The following TAF2 variants were observed in gnomAD, a reference collection of about 807,000 sequenced individuals.
The protein encoded by TAF2 is TATA-box binding protein associated factor 2.
TAF2 carries 61 observed loss-of-function variants against 138.5 expected under a neutral mutation model. The ratio of observed to expected loss-of-function variants is 0.44; its 90% confidence interval spans 0.36 to 0.54. The LOEUF is 0.54. Among genes scored for constraint, TAF2 ranks in the 20% least tolerant of loss-of-function variants. The pLI is 0.00. For synonymous variants in TAF2, 475 were observed against 469.9 expected, an observed-to-expected ratio of 1.01 and a Z score of -0.14; for missense variants, 1,090 against 1,427.9, an observed-to-expected ratio of 0.76 and a Z score of 3.81.
At chr8:119,769,540 GAA>G in intron 18 of TAF2, among the ~76,000 whole-genome samples, 1 of 152,110 alleles carries the variant, frequency 6.6e-6, no homozygotes, top group Middle Eastern at 3.4e-3. Flanking sequence ...AGACACAAGA[GAA>G]AGTTGAAAAG....
At chr8:119,819,573 T>G (rs1563924690) in intron 2 of TAF2, 67 bp from the exon 3 acceptor site, 2 of 1,337,882 alleles carry the variant, frequency 1.5e-6, no homozygotes, top group East Asian at 4.6e-5. Flanking sequence ...TTTCTTTTAT[T>G]TTTACCACTT....
intron 23 of TAF2, among the ~76,000 whole-genome samples, chr8:119,745,795 A>ATGTGTGTG (rs58444614): frequency 1.2e-4 from 17 of 143,468 alleles, no homozygotes; most frequent in African/African-American, 2.0e-4. Context: ...AGGCAAACGA[A>ATGTGTGTG]TGTGTGTGTG....
At position 119,791,416 on chromosome 8, in the gene TAF2, G is replaced by C. The variant is rs778709665; in HGVS notation, c.1321C>G (p.Leu441Val). The C allele has an allele frequency of 6.2e-7, 1 of 1,613,744 alleles. No homozygotes were observed. The highest frequency in any genetic ancestry group is 8.5e-7 in the Non-Finnish European group (1 of 1,179,840). Reference sequence around the variant, plus strand: ...AACATACTGTAGTATTCCCAGGACAGTGTATGTGGATGCTTTATTGAAAAG... The same window carrying C: ...AACATACTGTAGTATTCCCAGGACACTGTATGTGGATGCTTTATTGAAAAG... ...LHFSIKHPHT[L>V]SWEYYSMFQC... is the part of the protein sequence containing the mutation. The change falls in exon 11 of 26, where the codon CTG (leucine) becomes GTG (valine). Residue 441 changes from leucine to valine, a missense_variant. By Grantham distance (32) the Leu-to-Val change is conservative (BLOSUM62 1). This residue lies in a region of TAF2 where 504 missense variants were observed against 680.9 expected (regional missense o/e 0.74). Coordinates refer to ENST00000378164, the MANE Select transcript of TAF2 (RefSeq NM_003184.4).
At chr8:119,821,220 C>T (rs770645612) in intron 2 of TAF2, among the ~76,000 whole-genome samples, 3 of 152,208 alleles carry the variant, frequency 2.0e-5, no homozygotes, top group Non-Finnish European at 4.4e-5. Context: ...GACCCATTAA[C>T]CTCTACAAGT....
At chr8:119,737,935 G>C (rs1463728666) in intron 25 of TAF2, among the ~76,000 whole-genome samples, 1 of 152,034 alleles carries the variant, frequency 6.6e-6, no homozygotes, top group East Asian at 1.9e-4. Context: ...TATGTGAAAA[G>C]ACACATACAC....
At chr8:119,808,317 G>A (rs149680699) in intron 3 of TAF2, among the ~76,000 whole-genome samples, 332 of 152,234 alleles carry the variant, frequency 2.2e-3, no homozygotes, top group Non-Finnish European at 3.7e-3. Flanking sequence ...CAACTCCTCC[G>A]TCCATTAAAG....
At chr8:119,805,475 G>T (rs1352869883) in intron 4 of TAF2, among the ~76,000 whole-genome samples, 1 of 152,136 alleles carries the variant, frequency 6.6e-6, no homozygotes. Flanking sequence ...GGAGGCCAAG[G>T]AGGGTGGATC....
chr8:119,808,765 G>A (rs1052915360), intron 3 of TAF2, among the ~76,000 whole-genome samples: 5 of 152,224 alleles, frequency 3.3e-5, no homozygotes, highest in Non-Finnish European at 5.9e-5. Flanking sequence ...GTAACCAGGT[G>A]TCTTGTCAAT....
chr8:119,756,219 C>G (rs1408188307), intron 21 of TAF2, 104 bp from the exon 22 acceptor site: 2 of 758,974 alleles, frequency 2.6e-6, no homozygotes, highest in Non-Finnish European at 4.6e-6. Context: ...TTCCTCCTTC[C>G]TATTTTAACA....
intron 2 of TAF2, among the ~76,000 whole-genome samples, chr8:119,830,526 A>G (rs1826378945): frequency 6.6e-6 from 1 of 152,166 alleles, no homozygotes; most frequent in East Asian, 1.9e-4. Context: ...CAAGTATCCT[A>G]CTATATAAGA....
At chr8:119,807,744 C>T (rs1241548381) in intron 3 of TAF2, among the ~76,000 whole-genome samples, 1 of 152,006 alleles carries the variant, frequency 6.6e-6, no homozygotes, top group Non-Finnish European at 1.5e-5. Context: ...GCCAATATGG[C>T]GAAACCCTCT....
At chr8:119,824,945 G>A (rs1053105895) in intron 2 of TAF2, among the ~76,000 whole-genome samples, 3 of 152,238 alleles carry the variant, frequency 2.0e-5, no homozygotes, top group African/African-American at 7.2e-5. Flanking sequence ...AGAGAAATGT[G>A]GTGTCAGAGC....
At position 119,830,089 on chromosome 8, in the gene TAF2, A is replaced by G. The variant is rs568613116; in HGVS notation, c.138+1588T>C. 5.9e-3 allele frequency among the ~76,000 whole-genome samples: 902 copies of G among 151,806 alleles called. 8 individuals carry two copies. The highest frequency in any genetic ancestry group is 0.011 in the Non-Finnish European group (726 of 67,912). On this transcript the variant is annotated intron_variant, in intron 2 of 25. Transcript: ENST00000378164. ...AATTTTTTGTATTTTTAGTAGAGAC[A>G]GGGTTTCACCGTGTTAGCCAGGATG...
intron 22 of TAF2, among the ~76,000 whole-genome samples, chr8:119,750,735 A>G (rs1820295567): frequency 1.3e-5 from 2 of 152,122 alleles, no homozygotes; most frequent in South Asian, 4.1e-4. Context: ...AAAACTGTTT[A>G]TTTTCTTACT....
At chr8:119,800,430 G>A (rs1007010480) in intron 6 of TAF2, among the ~76,000 whole-genome samples, 3 of 152,054 alleles carry the variant, frequency 2.0e-5, no homozygotes, top group Admixed American at 6.5e-5. Flanking sequence ...TTTTTATCAG[G>A]TTTGTCAAAG....
Position 119,742,548 on chromosome 8 carries a change from G to A in TAF2, c.3323C>T (p.Ala1108Val). Residue 1108 changes from alanine to valine, a missense_variant, in exon 25 of 26, where the codon GCA becomes GTA. Physicochemically the swap from Ala to Val is moderately conservative, Grantham distance 64. Transcript: ENST00000378164. ...ATTATTTTTACCTGTTCCCTTCCGTGCAAGTTCCAAACTCCACTGGGGTTT... is the reference window on the plus strand; with the variant it reads ...ATTATTTTTACCTGTTCCCTTCCGTACAAGTTCCAAACTCCACTGGGGTTT... ...TTKPQWSLEL[A>V]RKGTGKEQAP... The A allele has an allele frequency of 6.2e-7, 1 of 1,613,898 alleles. No homozygotes were observed.
intron 25 of TAF2, among the ~76,000 whole-genome samples, chr8:119,740,990 T>C (rs1331920183): frequency 1.3e-5 from 2 of 152,176 alleles, no homozygotes; most frequent in Admixed American, 6.5e-5. Flanking sequence ...CCGACACTAA[T>C]AGCAGCCAAA....
intron 21 of TAF2, among the ~76,000 whole-genome samples, chr8:119,756,922 C>T (rs1424450920): frequency 6.6e-6 from 1 of 152,158 alleles, no homozygotes; most frequent in Non-Finnish European, 1.5e-5. Flanking sequence ...AGCATTTAAC[C>T]AGCTCTAGCA....
Position 119,832,615 on chromosome 8 carries a change from C to T in TAF2, c.-51G>A. 6.4e-7 allele frequency: 1 copy of T among 1,550,676 alleles called. No homozygotes were observed. The highest frequency in any genetic ancestry group is 8.8e-7 in the Non-Finnish European group (1 of 1,131,274). ...CCCGGCTTCCTAGGGGGATACGGGG[C>T]ATTACTAGTCTTTGGCACCTCACAC... On this transcript the variant is annotated 5_prime_UTR_variant, in exon 1 of 26. An upstream start codon of the reference 5' UTR is lost. Coordinates refer to ENST00000378164, the MANE Select transcript of TAF2 (RefSeq NM_003184.4).
Sources: gnomAD v4.1 joint callset for allele counts (sites outside exome capture counted in the v4.1 genomes callset) on GRCh38, gnomAD v4.1.1 for gene constraint, gnomAD v4.1.1 regional missense constraint, MANE v1.5 for transcripts, NCBI Gene and HGNC (gene_info 2026-07-23, HGNC 2026-07-21) for gene names.